Variants in PITPNC1 observed in about 807,000 individuals in gnomAD.
PITPNC1 encodes the protein cytoplasmic phosphatidylinositol transfer protein 1.
A neutral mutation model predicts 44.7 loss-of-function variants in PITPNC1; 18 were observed. The observed-to-expected ratio is 0.40, with a 90% confidence interval of 0.28 to 0.60. The LOEUF (loss-of-function observed/expected upper bound fraction) is 0.60. Ranked by LOEUF, PITPNC1 falls within the 20% of genes least tolerant of loss-of-function variation. PITPNC1 has a pLI of 0.39. For synonymous variants in PITPNC1, 141 were observed against 149.6 expected, an observed-to-expected ratio of 0.94 and a Z score of 0.42; for missense variants, 290 against 418.4, an observed-to-expected ratio of 0.69 and a Z score of 2.68.
chr17:67,435,329 C>G (rs905933101), intron 1 of PITPNC1, among the ~76,000 whole-genome samples: 1 of 152,190 alleles, frequency 6.6e-6, no homozygotes, highest in Non-Finnish European at 1.5e-5. Flanking sequence ...GTTTCTGTAA[C>G]CTTCACTAAA....
intron 5 of PITPNC1, among the ~76,000 whole-genome samples, chr17:67,603,422 A>G (rs1161745100): frequency 1.3e-5 from 2 of 152,150 alleles, no homozygotes; most frequent in Non-Finnish European, 2.9e-5. Context: ...CATCTTGCCA[A>G]CCTGTCTTTA....
intron 5 of PITPNC1, among the ~76,000 whole-genome samples, chr17:67,606,768 TTTC>T (rs2041613908): frequency 6.6e-6 from 1 of 152,052 alleles, no homozygotes; most frequent in African/African-American, 2.4e-5. Flanking sequence ...GGTTTTTTTT[TTTC>T]TTCTTCCCTT....
intron 8 of PITPNC1, among the ~76,000 whole-genome samples, chr17:67,682,959 C>T (rs900855355): frequency 1.3e-5 from 2 of 151,756 alleles, no homozygotes; most frequent in African/African-American, 4.8e-5. Flanking sequence ...CAGGAGTTCG[C>T]GACCAGCCTG....
chr17:67,387,962 A>T (rs963078511), intron 1 of PITPNC1, among the ~76,000 whole-genome samples: 1 of 152,214 alleles, frequency 6.6e-6, no homozygotes, highest in African/African-American at 2.4e-5. Context: ...CTCAAGGACC[A>T]TGTGTGGCTT....
chr17:67,540,294 G>A (rs1385067797), intron 2 of PITPNC1, among the ~76,000 whole-genome samples: 1 of 151,832 alleles, frequency 6.6e-6, no homozygotes, highest in East Asian at 1.9e-4. Context: ...TAGTAGAGAC[G>A]GTGTTTCACC....
chr17:67,658,436 C>T (rs1210352549), intron 6 of PITPNC1, among the ~76,000 whole-genome samples: 1 of 152,178 alleles, frequency 6.6e-6, no homozygotes, highest in African/African-American at 2.4e-5. Context: ...ATTGTTAGCC[C>T]ATAAAAGCCC....
At chr17:67,524,639 C>T (rs999817152) in intron 1 of PITPNC1, 4 of 150,926 alleles carry the variant, frequency 2.7e-5, no homozygotes, top group Non-Finnish European at 4.4e-5. Context: ...CCAAGTCAGA[C>T]GCTAAATTTT....
chr17:67,578,057 A>G (rs2041173857), intron 4 of PITPNC1, 129 bp from the exon 5 acceptor site: 1 of 715,550 alleles, frequency 1.4e-6, no homozygotes, highest in Non-Finnish European at 2.5e-6. Flanking sequence ...ATATTGACTT[A>G]GTATCTTAAC....
Position 67,553,592 on chromosome 17 carries a change from A to G in PITPNC1, c.287-18A>G. On this transcript the variant is annotated intron_variant, in intron 3 of 8. Coordinates refer to ENST00000581322, the MANE Select transcript of PITPNC1 (RefSeq NM_012417.4). ...CTTTTTTCTTTCCTCTCTTCTTCAA[A>G]TGAACATGTGGAAACAGAATACACA... is the stretch of plus-strand genomic sequence containing the variant. The G allele has an allele frequency of 8.3e-7, 1 of 1,202,648 alleles. No homozygotes were observed. The highest frequency in any genetic ancestry group is 1.2e-6 in the Non-Finnish European group (1 of 863,294). 74.5% of individuals were successfully genotyped at this position (1,202,648 alleles called of 1,614,324 possible).
intron 5 of PITPNC1, among the ~76,000 whole-genome samples, chr17:67,591,405 G>C (rs147389520): frequency 3.9e-4 from 60 of 152,324 alleles, no homozygotes; most frequent in African/African-American, 1.2e-3. Context: ...AGTAGGGACT[G>C]AGGATTAGAT....
intron 1 of PITPNC1, among the ~76,000 whole-genome samples, chr17:67,411,647 GA>G (rs568141890): frequency 4.5e-4 from 69 of 152,254 alleles, no homozygotes; most frequent in African/African-American, 1.6e-3. Context: ...CTGAAGACCA[GA>G]AGGCAACTTG....
At chr17:67,657,165 G>A (rs1048998796) in intron 6 of PITPNC1, among the ~76,000 whole-genome samples, 1 of 128,108 alleles carries the variant, frequency 7.8e-6, no homozygotes, top group African/African-American at 3.1e-5. Flanking sequence ...CGTTTTTTTT[G>A]TTTTGTTTTG....
chr17:67,619,568 C>T (rs537723849), intron 5 of PITPNC1, among the ~76,000 whole-genome samples: 1 of 152,268 alleles, frequency 6.6e-6, no homozygotes, highest in South Asian at 2.1e-4. Flanking sequence ...TCTGTGTGTG[C>T]CAGCGTCCTC....
In PITPNC1 at chr17:67,552,713, T is replaced by C. The variant is rs114971225; in HGVS notation, c.286+368T>C. 9.5e-3 allele frequency among the ~76,000 whole-genome samples: 1,435 copies of C among 150,638 alleles called. 20 individuals are homozygous for C. The highest frequency in any genetic ancestry group is 0.033 in the African/African-American group (1,345 of 40,906). On this transcript the variant is annotated intron_variant, in intron 3 of 8. Coordinates refer to ENST00000581322, the MANE Select transcript of PITPNC1 (RefSeq NM_012417.4). ...CTGCCCAACATGGTGAAACCCCGTC[T>C]CTACTAAAAATACAAAACCAGGAGG...
Position 67,504,436 on chromosome 17 carries a change from C to T in PITPNC1, c.49-28366C>T, listed in dbSNP as rs533833400. ...GGAGGTAGCAATTGCTTTGCTATTC[C>T]AGGAACTAGTAGCCACCACATGTGT... On this transcript the variant is annotated intron_variant, in intron 1 of 8. Coordinates refer to ENST00000581322, the MANE Select transcript of PITPNC1 (RefSeq NM_012417.4). 3.9e-5 allele frequency among the ~76,000 whole-genome samples: 6 copies of T among 152,256 alleles called. No homozygotes were observed. The East Asian group carries it at 1.2e-3, about 29-fold the overall frequency.
At chr17:67,679,861 T>G (rs1427599960) in intron 8 of PITPNC1, among the ~76,000 whole-genome samples, 1 of 152,218 alleles carries the variant, frequency 6.6e-6, no homozygotes, top group Non-Finnish European at 1.5e-5. Flanking sequence ...GCAGCCCAGT[T>G]TCACAAAGGC....
intron 1 of PITPNC1, among the ~76,000 whole-genome samples, chr17:67,515,490 C>A (rs2040248487): frequency 6.6e-6 from 1 of 152,200 alleles, no homozygotes; most frequent in Admixed American, 6.5e-5. Flanking sequence ...TATATCACTT[C>A]AGTGGATCAC....
chr17:67,378,051 G>T lies in PITPNC1; in HGVS notation c.-104G>T, dbSNP rs569439377. On this transcript the variant is annotated 5_prime_UTR_variant, in exon 1 of 9. Coordinates refer to ENST00000581322, the MANE Select transcript of PITPNC1 (RefSeq NM_012417.4). ...GGGGGCTGCTTCGCCCTCCGGCTCC[G>T]AGCGCCGGGCTCCGGGCGCCCTGCC... 112 of 619,038 alleles carry T rather than the reference G, an allele frequency of 1.8e-4. No individual in the cohort carries two copies. In the African/African-American group the frequency reaches 2.1e-3, roughly 12 times the overall value. 38.3% of individuals were successfully genotyped at this position (619,038 alleles called of 1,614,324 possible).
At chr17:67,683,870 C>T (rs1373083434) in intron 8 of PITPNC1, among the ~76,000 whole-genome samples, 3 of 150,252 alleles carry the variant, frequency 2.0e-5, no homozygotes, top group Non-Finnish European at 4.4e-5. Context: ...CCCAGCTACT[C>T]GGGAGGCTGA....
Sources: allele counts gnomAD v4.1 joint callset (sites outside exome capture counted in the v4.1 genomes callset), GRCh38; gene constraint gnomAD v4.1.1; transcripts MANE v1.5; gene names NCBI Gene and HGNC (gene_info 2026-07-23, HGNC 2026-07-21).